The following ANKAR variants were observed in gnomAD, a reference collection of about 807,000 sequenced individuals.
The protein encoded by ANKAR is ankyrin and armadillo repeat containing.
In ANKAR, 136 loss-of-function variants were observed where a neutral mutation model predicts 146.2. The observed-to-expected ratio is 0.93, with a 90% CI of 0.81 to 1.07. The LOEUF is 1.07. ANKAR is among the 50% of genes least tolerant of loss of function. The probability of loss-of-function intolerance (pLI) is 0.00; values close to 1 mark genes in which losing one functional copy is unlikely to be tolerated. For missense variants in ANKAR, 1,567 were observed against 1,679.9 expected (o/e 0.93, Z 1.18); for synonymous variants, 500 against 575.8 (o/e 0.87, Z 1.88).
chr2:189,755,121 G>C, intron 18 of ANKAR: 2 of 1,570,726 alleles, frequency 1.3e-6, no homozygotes, highest in Non-Finnish European at 1.7e-6. Context: ...TTGCTACTTA[G>C]TTGAAATGGA....
chr2:189,741,894 G>C (rs530241809), intron 20 of ANKAR, among the ~76,000 whole-genome samples: 1 of 152,288 alleles, frequency 6.6e-6, no homozygotes, highest in African/African-American at 2.4e-5. Context: ...GTACGTTGAT[G>C]ACAAAGAAAC....
chr2:189,739,998 T>A (rs2043181054), intron 19 of ANKAR, among the ~76,000 whole-genome samples: 1 of 152,210 alleles, frequency 6.6e-6, no homozygotes, highest in African/African-American at 2.4e-5. Context: ...CATATGCATG[T>A]CCAGGGTATC....
chr2:189,729,264 T>A (rs2042174066), intron 15 of ANKAR, among the ~76,000 whole-genome samples: 1 of 152,186 alleles, frequency 6.6e-6, no homozygotes, highest in South Asian at 2.1e-4. Flanking sequence ...CATTTTGGGG[T>A]ACCTGAGAAA....
chr2:189,721,974 CT>C (rs1190557014), intron 12 of ANKAR, among the ~76,000 whole-genome samples: 14 of 152,238 alleles, frequency 9.2e-5, no homozygotes, highest in Non-Finnish European at 1.8e-4. Flanking sequence ...AGCCCTCTTC[CT>C]TCATAACAAA....
At chr2:189,761,795 G>A, downstream of ANKAR, 1 of 804,504 alleles carries the variant, frequency 1.2e-6, no homozygotes. Context: ...TAGCAACATG[G>A]GAATATAAAT....
Position 189,675,034 on chromosome 2 carries a change from C to T in ANKAR, c.-36+204C>T, listed in dbSNP as rs1215026167. Among the ~76,000 whole-genome samples, 3 of 152,280 alleles carry T rather than the reference C, an allele frequency of 2.0e-5. No individual in the cohort carries two copies. The East Asian group carries it at 5.8e-4, about 29-fold the overall frequency. On this transcript the variant is annotated intron_variant, in intron 1 of 22. Transcript: ENST00000684021. ...GCATAACAAGGTCTGACTCACTGAC[C>T]TGGGGTCTCAGGTGTGGCGCCCAAA... is the stretch of plus-strand genomic sequence containing the variant.
chr2:189,745,027 C>CTACTAA (rs376824673), intron 22 of ANKAR, among the ~76,000 whole-genome samples: 78 of 131,118 alleles, frequency 5.9e-4, no homozygotes, highest in African/African-American at 2.1e-3. Flanking sequence ...ACTACTACTA[C>CTACTAA]TAATAATACA....
chr2:189,680,688 C>T lies in ANKAR; in HGVS notation c.601+3597C>T, dbSNP rs536460293. On this transcript the variant is annotated intron_variant, in intron 2 of 22. Coordinates refer to ENST00000684021, the MANE Select transcript of ANKAR (RefSeq NM_001378068.1). ...ATTTCCATCTTGATTTCATTGTTGACCCAAAGATCATTCTGGAGCAGATTA... is the reference window on the plus strand; with the variant it reads ...ATTTCCATCTTGATTTCATTGTTGATCCAAAGATCATTCTGGAGCAGATTA... Among the ~76,000 whole-genome samples, 24 of 152,162 alleles carry T rather than the reference C, an allele frequency of 1.6e-4. No individual in the cohort carries two copies. The South Asian group carries it at 4.8e-3, about 30-fold the overall frequency.
intron 7 of ANKAR, among the ~76,000 whole-genome samples, chr2:189,699,070 T>C (rs1248835115): frequency 1.3e-5 from 2 of 152,216 alleles, no homozygotes; most frequent in Non-Finnish European, 2.9e-5. Flanking sequence ...GTCTGTTTTG[T>C]TAGCCACAGT....
intron 12 of ANKAR, among the ~76,000 whole-genome samples, chr2:189,725,299 C>CACACACACAA (rs2041755709): frequency 6.6e-6 from 1 of 151,118 alleles, no homozygotes; most frequent in Non-Finnish European, 1.5e-5. Flanking sequence ...CACACACACA[C>CACACACACAA]ACACACACAC....
At chr2:189,712,666 A>G (rs1006171578) in intron 10 of ANKAR, among the ~76,000 whole-genome samples, 1 of 152,226 alleles carries the variant, frequency 6.6e-6, no homozygotes, top group African/African-American at 2.4e-5. Flanking sequence ...AGATGGGGAG[A>G]AACCAGAGCA....
Position 189,689,882 on chromosome 2 carries a change from A to G in ANKAR, c.957A>G (p.Ile319Met). The G allele has an allele frequency of 1.3e-6, 2 of 1,583,690 alleles. No individual in the cohort carries two copies. Among genetic ancestry groups the G allele is most frequent in the Non-Finnish European group, 1.7e-6 (2 of 1,170,070 alleles). Residue 319 changes from isoleucine (I) to methionine (M), a missense_variant, in exon 3 of 23, where the codon ATA becomes ATG. Physicochemically the swap from Ile to Met is conservative, Grantham distance 10 (BLOSUM62 1). Coordinates refer to ENST00000684021, the MANE Select transcript of ANKAR (RefSeq NM_001378068.1). ...IRRGIGYLKLICFLIPFLLSL... is the reference protein window; with the variant it reads ...IRRGIGYLKLMCFLIPFLLSL... ...GAGGGATAGGATACCTAAAGTTAAT[A>G]TGTTTTCTGATTCCATTTCTACTGA... is the stretch of plus-strand genomic sequence containing the variant.
At chr2:189,714,354 G>T (rs1312339321) in intron 10 of ANKAR, among the ~76,000 whole-genome samples, 6 of 151,736 alleles carry the variant, frequency 4.0e-5, no homozygotes, top group Admixed American at 3.3e-4. Flanking sequence ...TGACCACATA[G>T]TTGGAAGTAA....
At chr2:189,726,930 A>G (rs1461108207) in intron 12 of ANKAR, among the ~76,000 whole-genome samples, 2 of 152,228 alleles carry the variant, frequency 1.3e-5, no homozygotes, top group African/African-American at 4.8e-5. Context: ...AAATCCAGGT[A>G]AAGGTATACA....
downstream of ANKAR, chr2:189,762,594 C>A (rs1236502594): frequency 3.0e-6 from 3 of 985,444 alleles, no homozygotes; most frequent in Non-Finnish European, 3.6e-6. Flanking sequence ...GGTCTCCTGT[C>A]GGCTGTAAGG....
At chr2:189,726,650 A>G (rs1004669493) in intron 12 of ANKAR, among the ~76,000 whole-genome samples, 1 of 152,208 alleles carries the variant, frequency 6.6e-6, no homozygotes, top group Non-Finnish European at 1.5e-5. Flanking sequence ...AGTGCAATAC[A>G]TGGTCCTGGT....
chr2:189,677,410 C>T (rs1180407903), intron 2 of ANKAR, among the ~76,000 whole-genome samples: 2 of 151,944 alleles, frequency 1.3e-5, no homozygotes, highest in African/African-American at 2.4e-5. Flanking sequence ...TACACTGTAC[C>T]CCATGTGTAG....
chr2:189,686,246 GA>G (rs745427984), intron 2 of ANKAR, among the ~76,000 whole-genome samples: 11 of 152,074 alleles, frequency 7.2e-5, no homozygotes, highest in African/African-American at 2.7e-4. Context: ...GAAAGGAGGG[GA>G]TACATTGACA....
At chr2:189,727,343 G>A (rs2041981466) in intron 12 of ANKAR, among the ~76,000 whole-genome samples, 2 of 145,856 alleles carry the variant, frequency 1.4e-5, no homozygotes, top group East Asian at 2.0e-4. Context: ...TTACTCAGAT[G>A]TACTGAGTTA....
Sources: gnomAD v4.1 joint callset for allele counts (sites outside exome capture counted in the v4.1 genomes callset) on GRCh38, gnomAD v4.1.1 for gene constraint, MANE v1.5 for transcripts, NCBI Gene and HGNC (gene_info 2026-07-23, HGNC 2026-07-21) for gene names.